The following MRTFB variants were observed in gnomAD, a reference collection of about 807,000 sequenced individuals.
The protein encoded by MRTFB is myocardin related transcription factor B.
MRTFB carries 29 observed loss-of-function variants against 104.2 expected under a neutral mutation model. The observed-to-expected ratio is 0.28, with a 90% CI of 0.21 to 0.38. The LOEUF (loss-of-function observed/expected upper bound fraction) is 0.38. Among genes scored for constraint, MRTFB ranks in the 10% least tolerant of loss-of-function variants. The pLI is 1.00. For missense variants in MRTFB, 1,270 were observed against 1,341.6 expected (o/e 0.95, Z 0.83); for synonymous variants, 535 against 519.5 (o/e 1.03, Z -0.41).
the MRTFB span, among the ~76,000 whole-genome samples, chr16:14,019,960 T>A: frequency 6.6e-6 from 1 of 152,256 alleles, no homozygotes; most frequent in Non-Finnish European, 1.5e-5. Flanking sequence ...TTCTTGCAAA[T>A]GTTACAGAAA....
intron 16 of MRTFB, among the ~76,000 whole-genome samples, chr16:14,258,785 A>G (rs2043627819): frequency 6.6e-6 from 1 of 152,272 alleles, no homozygotes; most frequent in Non-Finnish European, 1.5e-5. Context: ...GTCAATGCTA[A>G]AGCATTTTCT....
intron 8 of MRTFB, among the ~76,000 whole-genome samples, chr16:14,232,099 G>C (rs1208855279): frequency 6.6e-6 from 1 of 152,122 alleles, no homozygotes; most frequent in Non-Finnish European, 1.5e-5. Context: ...TTTTTCATGT[G>C]ATTAACACTT....
At chr16:14,131,541 T>G (rs2037439685) in intron 2 of MRTFB, among the ~76,000 whole-genome samples, 1 of 152,114 alleles carries the variant, frequency 6.6e-6, no homozygotes, top group African/African-American at 2.4e-5. Context: ...GGAGAAAATA[T>G]TTGCAAATCT....
intron 3 of MRTFB, among the ~76,000 whole-genome samples, chr16:14,188,459 G>A (rs1213288208): frequency 4.6e-5 from 7 of 152,052 alleles, no homozygotes; most frequent in Non-Finnish European, 7.4e-5. Context: ...TGGGATTAAG[G>A]CACATAGAAA....
At chr16:14,094,054 G>A (rs2035228897) in intron 2 of MRTFB, among the ~76,000 whole-genome samples, 1 of 152,218 alleles carries the variant, frequency 6.6e-6, no homozygotes, top group Non-Finnish European at 1.5e-5. Context: ...AAGTTACAGT[G>A]TAGATGTCAG....
intron 2 of MRTFB, among the ~76,000 whole-genome samples, chr16:14,080,301 C>G (rs1292986437): frequency 6.6e-6 from 1 of 152,160 alleles, no homozygotes; most frequent in African/African-American, 2.4e-5. Context: ...TATCCTTGCC[C>G]ACACAATTTT....
chr16:14,183,883 C>T (rs2039852447), intron 3 of MRTFB, among the ~76,000 whole-genome samples: 2 of 151,794 alleles, frequency 1.3e-5, no homozygotes, highest in African/African-American at 4.8e-5. Context: ...CAAAAATAAG[C>T]ATGCAGAGGT....
the MRTFB span, among the ~76,000 whole-genome samples, chr16:13,997,074 C>T: frequency 6.6e-6 from 1 of 152,222 alleles, no homozygotes; most frequent in Admixed American, 6.5e-5. Context: ...AAGGAGTAAA[C>T]AAGAGCATCA....
chr16:14,011,700 C>T, the MRTFB span, among the ~76,000 whole-genome samples: 1 of 152,072 alleles, frequency 6.6e-6, no homozygotes, highest in Admixed American at 6.6e-5. Context: ...GGTGAAACCC[C>T]GTCTCTACTA....
At chr16:14,235,706 A>G (rs2042468014) in intron 9 of MRTFB, among the ~76,000 whole-genome samples, 1 of 152,216 alleles carries the variant, frequency 6.6e-6, no homozygotes. Context: ...GATAGGTAGT[A>G]GCAGATTCCA....
intron 2 of MRTFB, among the ~76,000 whole-genome samples, chr16:14,125,281 G>A (rs886904436): frequency 1.2e-4 from 19 of 152,252 alleles, no homozygotes; most frequent in African/African-American, 4.1e-4. Context: ...GCAAGGGTGT[G>A]TGCAAAGGCA....
At chr16:14,015,211 G>A in the MRTFB span, among the ~76,000 whole-genome samples, 9 of 152,358 alleles carry the variant, frequency 5.9e-5, no homozygotes, top group Non-Finnish European at 1.2e-4. Flanking sequence ...GCTTGGAGGT[G>A]TCTCTGCATG....
At chr16:14,089,030 C>A (rs559650892) in intron 2 of MRTFB, among the ~76,000 whole-genome samples, 1 of 152,108 alleles carries the variant, frequency 6.6e-6, no homozygotes, top group East Asian at 1.9e-4. Context: ...ATTATTTCCT[C>A]ATTTGAACAG....
rs1418183568 is a variant in MRTFB, at chr16:14,263,607, C to T, written c.*2163C>T. 2 of 151,074 alleles carry T rather than the reference C, an allele frequency of 1.3e-5. No individual in the cohort carries two copies. Among genetic ancestry groups the T allele is most frequent in the African/African-American group, 4.9e-5 (2 of 41,020 alleles). The allele number at this position is 151,074 out of a possible 1,614,324, so 9.4% of individuals were successfully genotyped here. A position where few individuals can be genotyped will look rare whatever the true frequency, so the allele number is the denominator to read the frequency against. On this transcript the variant is annotated 3_prime_UTR_variant, in exon 17 of 17. Transcript: ENST00000571589. ...AATCCTGAATTGTGTAGATAGTTTT[C>T]TAGCTCTCGGGTCCCTTTATTGCTT... is the stretch of plus-strand genomic sequence containing the variant.
intron 2 of MRTFB, among the ~76,000 whole-genome samples, chr16:14,117,229 G>A (rs1042247068): frequency 5.9e-5 from 9 of 152,222 alleles, no homozygotes; most frequent in Non-Finnish European, 8.8e-5. Context: ...GGAAGCATTT[G>A]TTAAACCACT....
At chr16:14,095,287 G>A (rs1287433972) in intron 2 of MRTFB, among the ~76,000 whole-genome samples, 1 of 152,194 alleles carries the variant, frequency 6.6e-6, no homozygotes, top group African/African-American at 2.4e-5. Context: ...TATCAGGCAA[G>A]TGTGGTTCCA....
chr16:14,202,730 A>G (rs2151120462), intron 3 of MRTFB, among the ~76,000 whole-genome samples: 1 of 152,358 alleles, frequency 6.6e-6, no homozygotes, highest in Middle Eastern at 3.4e-3. Flanking sequence ...TTGCCCTTTC[A>G]GTACAATTGT....
At chr16:14,118,742 T>C (rs201797440) in intron 2 of MRTFB, among the ~76,000 whole-genome samples, 5 of 143,122 alleles carry the variant, frequency 3.5e-5, no homozygotes, top group African/African-American at 5.7e-5. Context: ...TATACACACA[T>C]ATATATACAC....
chr16:14,026,809 T>A, the MRTFB span, among the ~76,000 whole-genome samples: 1 of 152,198 alleles, frequency 6.6e-6, no homozygotes, highest in African/African-American at 2.4e-5. Flanking sequence ...ATGTTCAACA[T>A]CTTTGGCTAT....
Sources: allele counts gnomAD v4.1 joint callset (sites outside exome capture counted in the v4.1 genomes callset), GRCh38; gene constraint gnomAD v4.1.1; transcripts MANE v1.5; gene names NCBI Gene and HGNC (gene_info 2026-07-23, HGNC 2026-07-21).